Variants in VAV3 observed in about 807,000 individuals in gnomAD.
The protein encoded by VAV3 is guanine nucleotide exchange factor VAV3.
A neutral mutation model predicts 131.2 loss-of-function variants in VAV3; 94 were observed. The ratio of observed to expected loss-of-function variants is 0.72; its 90% CI spans 0.61 to 0.85. The LOEUF (loss-of-function observed/expected upper bound fraction) is 0.85. Among genes scored for constraint, VAV3 ranks in the 40% least tolerant of loss-of-function variants. The pLI, the probability that VAV3 is intolerant of heterozygous loss-of-function variation, is 0.00. For missense variants in VAV3, 939 were observed against 1,002.7 expected (o/e 0.94, Z 0.86); for synonymous variants, 349 against 342.0 (o/e 1.02, Z -0.22).
At chr1:107,582,582 T>G (rs1450793366) in intron 25 of VAV3, among the ~76,000 whole-genome samples, 5 of 109,800 alleles carry the variant, frequency 4.6e-5, no homozygotes, top group Middle Eastern at 7.8e-3. Flanking sequence ...CCCACAACAG[T>G]CCCCAGGGTG....
At chr1:107,914,163 G>C (rs1162851459) in intron 1 of VAV3, among the ~76,000 whole-genome samples, 1 of 152,210 alleles carries the variant, frequency 6.6e-6, no homozygotes, top group East Asian at 1.9e-4. Context: ...ATAGATGACA[G>C]ACAGATGAAT....
intron 2 of VAV3, among the ~76,000 whole-genome samples, chr1:107,792,456 C>T (rs1296665537): frequency 2.6e-5 from 4 of 152,128 alleles, no homozygotes; most frequent in Non-Finnish European, 5.9e-5. Context: ...TACAGGTGTG[C>T]ACCAGAAACA....
At chr1:107,714,749 T>C (rs1363491587) in intron 15 of VAV3, among the ~76,000 whole-genome samples, 1 of 152,128 alleles carries the variant, frequency 6.6e-6, no homozygotes, top group Non-Finnish European at 1.5e-5. Flanking sequence ...AGAAGGGACA[T>C]CTTCACCTAT....
At chr1:107,656,500 A>G (rs1656568969) in intron 19 of VAV3, among the ~76,000 whole-genome samples, 1 of 152,162 alleles carries the variant, frequency 6.6e-6, no homozygotes, top group Admixed American at 6.5e-5. Flanking sequence ...TAATGGGTAC[A>G]AATATATACT....
At chr1:107,655,361 T>C (rs1022004043) in intron 19 of VAV3, among the ~76,000 whole-genome samples, 4 of 151,942 alleles carry the variant, frequency 2.6e-5, no homozygotes, top group Non-Finnish European at 5.9e-5. Flanking sequence ...GCCAAGAACA[T>C]ACAATGAGGA....
chr1:107,791,319 T>G (rs1393918141), intron 2 of VAV3, among the ~76,000 whole-genome samples: 1 of 152,032 alleles, frequency 6.6e-6, no homozygotes, highest in Non-Finnish European at 1.5e-5. Context: ...TTCTAATTTG[T>G]TTTCTAGGAG....
At chr1:107,896,486 A>C (rs1671584427) in intron 1 of VAV3, among the ~76,000 whole-genome samples, 1 of 152,158 alleles carries the variant, frequency 6.6e-6, no homozygotes. Flanking sequence ...TAGTGACTTT[A>C]ACTACAAAAA....
intron 7 of VAV3, among the ~76,000 whole-genome samples, chr1:107,767,663 G>T (rs986028453): frequency 2.0e-5 from 3 of 152,124 alleles, no homozygotes; most frequent in African/African-American, 7.2e-5. Flanking sequence ...ATACAAGCAG[G>T]TCTGTGAATA....
At chr1:107,864,550 GAGA>G (rs1215887747) in intron 2 of VAV3, among the ~76,000 whole-genome samples, 1 of 152,226 alleles carries the variant, frequency 6.6e-6, no homozygotes, top group Non-Finnish European at 1.5e-5. Flanking sequence ...TTCAGTCAGA[GAGA>G]AGGAGGTTGC....
intron 25 of VAV3, among the ~76,000 whole-genome samples, chr1:107,574,971 G>C (rs1649509361): frequency 8.0e-5 from 2 of 25,138 alleles, no homozygotes; most frequent in South Asian, 1.9e-3. Flanking sequence ...CTCTGTGTGT[G>C]TGTGTGTGTG....
intron 19 of VAV3, among the ~76,000 whole-genome samples, chr1:107,661,556 G>A (rs1657016188): frequency 6.6e-6 from 1 of 152,008 alleles, no homozygotes; most frequent in African/African-American, 2.4e-5. Flanking sequence ...GCTTTACAAG[G>A]CCAGGGACCA....
intron 25 of VAV3, among the ~76,000 whole-genome samples, chr1:107,578,239 T>G (rs1649789043): frequency 6.6e-6 from 1 of 152,232 alleles, no homozygotes. Flanking sequence ...TGTTTACTTT[T>G]CACCTACCAT....
Position 107,711,567 on chromosome 1 carries a change from A to T in VAV3, c.1503-6506T>A, listed in dbSNP as rs535421625. On this transcript the variant is annotated intron_variant, in intron 15 of 26. Transcript: ENST00000370056. Reference sequence around the variant, plus strand: ...ACCCTGTAAGCAAATCCTTCTAAAGATAGCAAATTCGAGCTTGCTATGTTA... The same window carrying T: ...ACCCTGTAAGCAAATCCTTCTAAAGTTAGCAAATTCGAGCTTGCTATGTTA... 9.8e-5 allele frequency among the ~76,000 whole-genome samples: 15 copies of T among 152,336 alleles called. 1 individual carries two copies. The South Asian group carries it at 3.1e-3, about 32-fold the overall frequency.
At chr1:107,780,958 A>G (rs975915868) in intron 2 of VAV3, among the ~76,000 whole-genome samples, 6 of 152,230 alleles carry the variant, frequency 3.9e-5, no homozygotes, top group Non-Finnish European at 8.8e-5. Context: ...TTCTAAATTA[A>G]GGTAATCTAA....
In VAV3 at chr1:107,757,266, T is replaced by C. The variant is rs1664164167; in HGVS notation, c.1081A>G (p.Met361Val). The C allele has an allele frequency of 2.5e-6, 4 of 1,613,178 alleles. No homozygotes were observed. Among genetic ancestry groups the C allele is most frequent in the South Asian group, 1.1e-5 (1 of 90,914 alleles). ...TACTGATGAATCTGCCCTACCTTCA[T>C]GGCATCAAGAGCCAGTTTCAGATTT... ...KANLKLALDA[M>V]KDLAQYVNEV... Residue 361 changes from methionine to valine, a missense_variant, in exon 11 of 27, where the codon ATG (methionine) becomes GTG (valine). By Grantham distance (21) the Met-to-Val change is conservative. Transcript: ENST00000370056.
intron 1 of VAV3, among the ~76,000 whole-genome samples, chr1:107,918,707 T>TATA (rs1557923397): frequency 1.5e-3 from 73 of 49,440 alleles, no homozygotes; most frequent in East Asian, 3.3e-3. Context: ...ATATATATAT[T>TATA]TTTTTTTTTT....
chr1:107,820,471 G>A (rs1241238491), intron 2 of VAV3, among the ~76,000 whole-genome samples: 2 of 152,012 alleles, frequency 1.3e-5, no homozygotes, highest in Non-Finnish European at 2.9e-5. Flanking sequence ...AGGAAGGGGA[G>A]TGGGGGGGTA....
At chr1:107,576,310 G>A (rs1649646030) in intron 25 of VAV3, 7 of 1,185,744 alleles carry the variant, frequency 5.9e-6, no homozygotes, top group African/African-American at 3.1e-5. Context: ...GTATCCGTAT[G>A]AGAAGCCATA....
At chr1:107,914,776 C>T (rs72983466) in intron 1 of VAV3, among the ~76,000 whole-genome samples, 4,726 of 152,250 alleles carry the variant, frequency 0.031, 180 homozygotes, top group African/African-American at 0.087. Context: ...ATAGCCAGCA[C>T]TGTACTAAAT....
Sources: allele counts gnomAD v4.1 joint callset (sites outside exome capture counted in the v4.1 genomes callset), GRCh38; gene constraint gnomAD v4.1.1; transcripts MANE v1.5; gene names NCBI Gene and HGNC (gene_info 2026-07-23, HGNC 2026-07-21).